Variants in PDGFA observed in about 807,000 individuals in gnomAD.
PDGFA encodes the protein platelet-derived growth factor subunit A.
In PDGFA, 9 loss-of-function variants were observed where a neutral mutation model predicts 25.6. The observed-to-expected ratio is 0.35, with a 90% CI of 0.21 to 0.61. PDGFA has a LOEUF of 0.61. PDGFA is among the 20% of genes least tolerant of loss of function. The probability of loss-of-function intolerance (pLI) is 0.75; values close to 1 mark genes in which losing one functional copy is unlikely to be tolerated. For missense variants in PDGFA, 242 were observed against 272.8 expected (o/e 0.89, Z 0.79); for synonymous variants, 133 against 111.8 (o/e 1.19, Z -1.20).
At chr7:518,300 G>A (rs1021876992) in intron 1 of PDGFA, 2 of 145,542 alleles carry the variant, frequency 1.4e-5, no homozygotes, top group Admixed American at 1.4e-4. Context: ...GCTGTGGAAA[G>A]TCATTCATCA....
At chr7:501,157 G>T (rs533180683) in exon 5 of PDGFA, 2 of 1,614,208 alleles carry the variant, frequency 1.2e-6, no homozygotes, top group Non-Finnish European at 8.5e-7. Flanking sequence ...GCTTGTGGTC[G>T]CGCAGGCGCA....
intron 3 of PDGFA, 74 bp downstream of exon 3, chr7:512,277 G>A (rs1435243079): frequency 7.2e-7 from 1 of 1,389,032 alleles, no homozygotes; most frequent in Non-Finnish European, 9.9e-7. Flanking sequence ...ACCCGGCCCT[G>A]CCCTGCCCAT....
At chr7:513,616 G>A (rs186615134) in intron 2 of PDGFA, 1 of 152,218 alleles carries the variant, frequency 6.6e-6, no homozygotes, top group Admixed American at 6.5e-5. Context: ...GCCCCCTCCT[G>A]GGAAGCTTGG....
intron 4 of PDGFA, among the ~76,000 whole-genome samples, chr7:502,204 A>T (rs13243207): frequency 0.56 from 84,958 of 151,842 alleles, 24,001 homozygotes; most frequent in Non-Finnish European, 0.59. Flanking sequence ...CCTGGGCAAT[A>T]CACCAAGACC....
chr7:502,048 G>C (rs773087407), intron 4 of PDGFA, among the ~76,000 whole-genome samples: 1 of 152,128 alleles, frequency 6.6e-6, no homozygotes, highest in Non-Finnish European at 1.5e-5. Flanking sequence ...AACATAGTAA[G>C]ACCCTGCCTC....
chr7:507,058 G>A (rs1053613753), intron 4 of PDGFA, among the ~76,000 whole-genome samples: 2 of 152,170 alleles, frequency 1.3e-5, no homozygotes, highest in East Asian at 1.9e-4. Flanking sequence ...CCATCTCCTC[G>A]CCAGGTTGAC....
chr7:516,948 G>C (rs1385552513), intron 2 of PDGFA, among the ~76,000 whole-genome samples: 1 of 151,724 alleles, frequency 6.6e-6, no homozygotes, highest in Non-Finnish European at 1.5e-5. Context: ...GCCCTGACCC[G>C]GGGGCCGCCT....
chr7:510,932 G>C, exon 4 of PDGFA: 1 of 1,612,596 alleles, frequency 6.2e-7, no homozygotes, highest in Non-Finnish European at 8.5e-7. Flanking sequence ...ACGTGGGGTC[G>C]ACCTGACTCC....
At chr7:510,325 C>T (rs1026182439) in intron 4 of PDGFA, among the ~76,000 whole-genome samples, 1 of 151,974 alleles carries the variant, frequency 6.6e-6, no homozygotes, top group African/African-American at 2.4e-5. Flanking sequence ...CAGCCGTGCA[C>T]CCCCACCAGC....
At chr7:512,325 TG>T in intron 3 of PDGFA, 25 bp downstream of exon 3, 1 of 1,569,624 alleles carries the variant, frequency 6.4e-7, no homozygotes, top group Non-Finnish European at 8.7e-7. Context: ...GGCCCTGCCC[TG>T]CCCATCGCGG....
At chr7:501,376 C>T in intron 4 of PDGFA, 134 bp from the exon 5 acceptor site, 1 of 1,090,916 alleles carries the variant, frequency 9.2e-7, no homozygotes, top group Non-Finnish European at 1.4e-6. Context: ...GAAACACTAC[C>T]TTGTGGTGGG....
At position 500,447 on chromosome 7, in the gene PDGFA, G is replaced by T. The variant is rs767391318; in HGVS notation, c.580+669C>A. ...CAGTCCTACCTGGTTGGCTGCTTTA[G>T]GTGGGTTTTAACCTTTTTCTTTTCC... On this transcript the variant is annotated intron_variant, in intron 5 of 5. Transcript: ENST00000402802. This position sits in a 1 kb window ranked among gnomAD's most constrained non-coding sequence, Gnocchi z 5.0. 6.2e-7 allele frequency: 1 copy of T among 1,614,118 alleles called. No individual in the cohort carries two copies. Among genetic ancestry groups the T allele is most frequent in the South Asian group, 1.1e-5 (1 of 91,078 alleles).
At chr7:518,389 G>GC (rs1312645818) in intron 1 of PDGFA, 1 of 152,882 alleles carries the variant, frequency 6.5e-6, no homozygotes, top group East Asian at 1.9e-4. Context: ...CGGACGCCTG[G>GC]CCCAGCCCCA....
At chr7:504,944 C>T (rs1364901053) in intron 4 of PDGFA, among the ~76,000 whole-genome samples, 1 of 152,210 alleles carries the variant, frequency 6.6e-6, no homozygotes, top group African/African-American at 2.4e-5. Context: ...GGGCACCGTG[C>T]GAAAGGCACA....
chr7:514,321 A>T (rs1215554215), intron 2 of PDGFA, among the ~76,000 whole-genome samples: 1 of 152,178 alleles, frequency 6.6e-6, no homozygotes, highest in Non-Finnish European at 1.5e-5. Flanking sequence ...TGGCTTAATA[A>T]ACAGAGAAGA....
At chr7:502,913 C>T (rs9691628) in intron 4 of PDGFA, among the ~76,000 whole-genome samples, 1 of 151,218 alleles carries the variant, frequency 6.6e-6, no homozygotes, top group Non-Finnish European at 1.5e-5. Context: ...CTCCACCCCC[C>T]ACCAGTCATG....
intron 5 of PDGFA, among the ~76,000 whole-genome samples, chr7:498,827 A>T (rs371948003): frequency 6.6e-6 from 1 of 152,202 alleles, no homozygotes; most frequent in Admixed American, 6.5e-5. Flanking sequence ...CCATTCTCCC[A>T]TTGTACAGAT....
chr7:501,151 G>C (rs1782319197), exon 5 of PDGFA: 2 of 1,614,112 alleles, frequency 1.2e-6, no homozygotes, highest in Non-Finnish European at 1.7e-6. Flanking sequence ...ATTCAGGCTT[G>C]TGGTCGCGCA....
intron 4 of PDGFA, among the ~76,000 whole-genome samples, chr7:502,566 G>A (rs943047527): frequency 6.6e-6 from 1 of 152,184 alleles, no homozygotes; most frequent in Non-Finnish European, 1.5e-5. Context: ...GCTCAAAAGC[G>A]AACCAGACCT....
Sources: allele counts gnomAD v4.1 joint callset (sites outside exome capture counted in the v4.1 genomes callset), GRCh38; gene constraint gnomAD v4.1.1; non-coding constraint Gnocchi (gnomAD v3.1); transcripts MANE v1.5; gene names NCBI Gene and HGNC (gene_info 2026-07-23, HGNC 2026-07-21).